AFDN: variants seen among roughly 807,000 people sequenced by gnomAD.
AFDN encodes afadin, adherens junction formation factor.
AFDN carries 68 observed loss-of-function variants against 216.6 expected under a neutral mutation model. The ratio of observed to expected loss-of-function variants is 0.31; its 90% CI spans 0.26 to 0.38. The LOEUF is 0.38. Ranked by LOEUF, AFDN falls within the 10% of genes least tolerant of loss-of-function variation. AFDN has a pLI of 1.00. For synonymous variants in AFDN, 868 were observed against 853.7 expected (o/e 1.02, Z -0.29); for missense variants, 2,136 against 2,342.0 (o/e 0.91, Z 1.82).
At chr6:167,969,277 T>C (rs986612321) in intron 33 of AFDN, 79 bp downstream of exon 33, 2 of 1,093,262 alleles carry the variant, frequency 1.8e-6, no homozygotes, top group Non-Finnish European at 2.8e-6. Context: ...CTTGAGATTA[T>C]GTAAACAGAC....
intron 1 of AFDN, among the ~76,000 whole-genome samples, chr6:167,858,285 A>G (rs1783128164): frequency 6.6e-6 from 1 of 152,200 alleles, no homozygotes; most frequent in South Asian, 2.1e-4. Context: ...TAATGTTGGC[A>G]GTTATAACTG....
chr6:167,966,212 A>T, intron 32 of AFDN, 167 bp downstream of exon 32: 1 of 1,533,562 alleles, frequency 6.5e-7, no homozygotes. Flanking sequence ...CTCACAAAAA[A>T]GGCCAGCCCC....
At chr6:167,897,095 T>G in intron 10 of AFDN, 123 bp downstream of exon 10, 1 of 473,216 alleles carries the variant, frequency 2.1e-6, no homozygotes, top group East Asian at 3.4e-5. Context: ...TAAATATAAA[T>G]AATTTATCTA....
intron 27 of AFDN, among the ~76,000 whole-genome samples, chr6:167,947,430 TGG>T (rs1562725706): frequency 6.6e-6 from 1 of 152,118 alleles, no homozygotes; most frequent in East Asian, 1.9e-4. Flanking sequence ...CTGCCCGCCT[TGG>T]CCTCCCAAAG....
At chr6:167,928,445 C>T (rs956714475) in intron 23 of AFDN, among the ~76,000 whole-genome samples, 2 of 152,208 alleles carry the variant, frequency 1.3e-5, no homozygotes, top group African/African-American at 2.4e-5. Context: ...GGACAAGGTG[C>T]CAGCCCCAGT....
At chr6:167,906,412 G>A (rs952108396) in intron 12 of AFDN, among the ~76,000 whole-genome samples, 3 of 152,120 alleles carry the variant, frequency 2.0e-5, no homozygotes, top group South Asian at 2.1e-4. Context: ...AGTAATAATC[G>A]CTAGGTGATA....
chr6:167,947,962 G>A lies in AFDN; in HGVS notation c.3645+18G>A, dbSNP rs1415858217. On this transcript the variant is annotated intron_variant, in intron 28 of 33. Coordinates refer to ENST00000683244, the MANE Select transcript of AFDN (RefSeq NM_001386888.1). ...GCACTGAGGTCTGATTGATTGATAA[G>A]CAAAAGGCTTCTACTGCATTTCCAT... is the stretch of plus-strand genomic sequence containing the variant. 3 of 1,571,268 alleles carry A rather than the reference G, an allele frequency of 1.9e-6. No homozygotes were observed. The highest frequency in any genetic ancestry group is 2.6e-6 in the Non-Finnish European group (3 of 1,141,908).
At chr6:167,864,332 A>G (rs1783925931) in intron 1 of AFDN, 3 of 740,068 alleles carry the variant, frequency 4.1e-6, no homozygotes, top group South Asian at 2.7e-5. Flanking sequence ...CCATTATTTC[A>G]TACGTGACAC....
Position 167,918,791 on chromosome 6 carries a change from C to T in AFDN, c.2766C>T (p.Arg922=), listed in dbSNP as rs770896437. The change falls in exon 21 of 34, where the codon CGC becomes CGT. Residue 922 remains arginine, a synonymous_variant. Coordinates refer to ENST00000683244, the MANE Select transcript of AFDN (RefSeq NM_001386888.1). ...AAAACACTGCCGATGAGCTGGCCCGCAGTGATGGAAGGGAAGTGCAGTTGG... is the reference window on the plus strand; with the variant it reads ...AAAACACTGCCGATGAGCTGGCCCGTAGTGATGGAAGGGAAGTGCAGTTGG... The part of the protein sequence containing the change: ...VAENTADELA[R]SDGREVQLEE... 9 of 1,613,580 alleles carry T rather than the reference C, an allele frequency of 5.6e-6. No individual in the cohort carries two copies. In the South Asian group the frequency reaches 9.9e-5, roughly 18 times the overall value.
intron 16 of AFDN, chr6:167,913,822 A>C (rs1251203187): frequency 8.8e-5 from 35 of 398,354 alleles, no homozygotes; most frequent in Non-Finnish European, 1.3e-5. Flanking sequence ...GTAACCATGG[A>C]TACATGTATG....
At chr6:167,832,527 T>G (rs1251458301) in intron 1 of AFDN, among the ~76,000 whole-genome samples, 4 of 152,206 alleles carry the variant, frequency 2.6e-5, no homozygotes, top group Admixed American at 6.5e-5. Flanking sequence ...CATATGTGAT[T>G]GACCAAAACC....
chr6:167,839,379 C>T (rs753812698), intron 1 of AFDN, among the ~76,000 whole-genome samples: 6 of 151,566 alleles, frequency 4.0e-5, no homozygotes, highest in Admixed American at 3.9e-4. Context: ...CCAGTAATGG[C>T]TTAGCCCTAT....
chr6:167,940,031 C>T (rs1254827245), intron 23 of AFDN, among the ~76,000 whole-genome samples: 1 of 152,168 alleles, frequency 6.6e-6, no homozygotes, highest in African/African-American at 2.4e-5. Context: ...CTTTTTATGG[C>T]AAAAGGATCT....
intron 23 of AFDN, among the ~76,000 whole-genome samples, chr6:167,935,784 T>TTTTC: frequency 6.6e-6 from 1 of 152,186 alleles, no homozygotes; most frequent in Admixed American, 6.5e-5. Flanking sequence ...CTTTTCTTTT[T>TTTTC]TTTTTCTTTT....
intron 30 of AFDN, among the ~76,000 whole-genome samples, chr6:167,952,725 G>T (rs1481241942): frequency 6.6e-6 from 1 of 152,200 alleles, no homozygotes; most frequent in East Asian, 1.9e-4. Context: ...GGTCTTGTCA[G>T]CATTTTGTGG....
intron 27 of AFDN, 29 bp from the exon 28 acceptor site, chr6:167,947,824 C>CT (rs35550837): frequency 1.2e-3 from 1,648 of 1,400,260 alleles, no homozygotes; most frequent in Middle Eastern, 1.6e-3. Flanking sequence ...TAATATTACA[C>CT]TTTTTTTTTT....
chr6:167,870,525 GT>G (rs771867899), intron 3 of AFDN, 27 bp downstream of exon 3: 1 of 1,476,746 alleles, frequency 6.8e-7, no homozygotes, highest in Non-Finnish European at 9.4e-7. Flanking sequence ...TTTTATGACG[GT>G]CTTGGTCCAG....
chr6:167,969,753 G>C, intron 33 of AFDN, 29 bp from the exon 34 acceptor site: 1 of 1,580,194 alleles, frequency 6.3e-7, no homozygotes, highest in South Asian at 1.2e-5. Context: ...AGTTTGTCCA[G>C]TAATCTTTGA....
chr6:167,964,779 A>C, intron 31 of AFDN: 1 of 1,066,126 alleles, frequency 9.4e-7, no homozygotes, highest in East Asian at 5.0e-5. Context: ...ACAAATTTAC[A>C]ATTCATTGTA....
Sources: allele counts gnomAD v4.1 joint callset (sites outside exome capture counted in the v4.1 genomes callset), GRCh38; gene constraint gnomAD v4.1.1; transcripts MANE v1.5; gene names NCBI Gene and HGNC (gene_info 2026-07-23, HGNC 2026-07-21).